The following DNER variants were observed in gnomAD, a reference collection of about 807,000 sequenced individuals.
DNER encodes delta/notch like EGF repeat containing, also known as delta and Notch-like epidermal growth factor-related receptor.
Under a neutral mutation model 78.2 loss-of-function variants are expected in DNER, and 33 were observed. That is an observed-to-expected ratio of 0.42 (90% CI 0.32 to 0.56). The LOEUF is 0.56. DNER is among the 20% of genes least tolerant of loss of function. The pLI is 0.11. For missense variants in DNER, 918 were observed against 975.3 expected, an observed-to-expected ratio of 0.94 and a Z score of 0.78; for synonymous variants, 417 against 384.8, an observed-to-expected ratio of 1.08 and a Z score of -0.98.
chr2:229,561,795 A>G (rs974239425), intron 4 of DNER, among the ~76,000 whole-genome samples: 13 of 152,104 alleles, frequency 8.5e-5, no homozygotes, highest in Non-Finnish European at 1.8e-4. Context: ...TTGCCCACTG[A>G]TATCTATTCT....
intron 1 of DNER, among the ~76,000 whole-genome samples, chr2:229,649,191 T>C (rs1698770408): frequency 2.0e-5 from 3 of 152,250 alleles, no homozygotes; most frequent in African/African-American, 4.8e-5. Flanking sequence ...TCAGGATTTA[T>C]TTCTATTGCA....
In DNER at chr2:229,372,932, G is replaced by A. The variant is rs539908265; in HGVS notation, c.1856-5813C>T. Reference sequence around the variant, plus strand: ...CCTGGTTTCCTGGCTTTTATCGTTGGATGGATGAGGTGCTGTAGCCGAGTG... The same window carrying A: ...CCTGGTTTCCTGGCTTTTATCGTTGAATGGATGAGGTGCTGTAGCCGAGTG... On this transcript the variant is annotated intron_variant, in intron 11 of 12. Transcript: ENST00000341772. Among the ~76,000 whole-genome samples, 18 of 152,262 alleles carry A rather than the reference G, an allele frequency of 1.2e-4. No homozygotes were observed. In the South Asian group the frequency reaches 3.7e-3, roughly 32 times the overall value.
At chr2:229,586,596 TCAACCC>T (rs1264033545) in intron 3 of DNER, 8 of 767,754 alleles carry the variant, frequency 1.0e-5, no homozygotes, top group Non-Finnish European at 1.2e-5. Flanking sequence ...AGAAAGCCCA[TCAACCC>T]CAACCCCAAC....
At chr2:229,545,097 A>G (rs1443653647) in intron 5 of DNER, among the ~76,000 whole-genome samples, 1 of 152,210 alleles carries the variant, frequency 6.6e-6, no homozygotes, top group Non-Finnish European at 1.5e-5. Flanking sequence ...GTCACTGAAC[A>G]TTAACTCCAA....
intron 11 of DNER, among the ~76,000 whole-genome samples, chr2:229,383,750 A>T (rs1188839309): frequency 2.0e-5 from 3 of 152,220 alleles, no homozygotes; most frequent in Admixed American, 1.3e-4. Flanking sequence ...GAGCATCCAG[A>T]TTCATAAAGC....
chr2:229,423,572 G>T (rs1367308405), intron 8 of DNER, among the ~76,000 whole-genome samples: 1 of 148,594 alleles, frequency 6.7e-6, no homozygotes, highest in African/African-American at 2.5e-5. Context: ...CCAAGATTGT[G>T]CCACTGCACT....
chr2:229,401,003 GA>G (rs1198264892), intron 10 of DNER, among the ~76,000 whole-genome samples: 1 of 152,018 alleles, frequency 6.6e-6, no homozygotes, highest in Non-Finnish European at 1.5e-5. Context: ...GATAGGATTA[GA>G]AAATGGACAA....
intron 5 of DNER, among the ~76,000 whole-genome samples, chr2:229,539,609 G>C (rs897627696): frequency 1.3e-5 from 2 of 152,142 alleles, no homozygotes; most frequent in African/African-American, 4.8e-5. Flanking sequence ...TCAAAACTCA[G>C]ACAACTGGAT....
chr2:229,470,821 G>A (rs1034237401), intron 7 of DNER, among the ~76,000 whole-genome samples: 3 of 152,182 alleles, frequency 2.0e-5, no homozygotes, highest in African/African-American at 7.2e-5. Flanking sequence ...TTGGACTCCA[G>A]CCTGGGCAAC....
intron 1 of DNER, among the ~76,000 whole-genome samples, chr2:229,705,266 A>T (rs989125742): frequency 6.6e-6 from 1 of 152,218 alleles, no homozygotes; most frequent in African/African-American, 2.4e-5. Flanking sequence ...CTTTATATTA[A>T]CTACAAGGAC....
At chr2:229,540,456 G>A (rs1252559464) in intron 5 of DNER, among the ~76,000 whole-genome samples, 1 of 152,178 alleles carries the variant, frequency 6.6e-6, no homozygotes, top group Admixed American at 6.5e-5. Context: ...CTAAAAAGGA[G>A]GCACATGGTT....
intron 1 of DNER, among the ~76,000 whole-genome samples, chr2:229,707,180 A>ATTTTTTTTT (rs397868353): frequency 2.1e-5 from 2 of 94,610 alleles, no homozygotes; most frequent in African/African-American, 8.7e-5. Context: ...CGGCTGGCTA[A>ATTTTTTTTT]TTTTTTTTTT....
rs202210704 is a variant in DNER at position 229,455,952 on chromosome 2, CA to C, written c.1262-8413del. ...GGTTTGAGATTTGAACCCAGGCAGTCAGATTCAGGTCCAAGCTCCTAACCAG... is the reference window on the plus strand; with the variant it reads ...GGTTTGAGATTTGAACCCAGGCAGTCGATTCAGGTCCAAGCTCCTAACCAG... On this transcript the variant is annotated intron_variant, in intron 7 of 12. Coordinates refer to ENST00000341772, the MANE Select transcript of DNER (RefSeq NM_139072.4). Among the ~76,000 whole-genome samples the C allele has an allele frequency of 9.4e-3, 1,431 of 152,192 alleles. 44 individuals are homozygous for C. The highest frequency in any genetic ancestry group is 0.033 in the African/African-American group (1,361 of 41,470).
chr2:229,628,658 T>G (rs750479968), intron 1 of DNER, among the ~76,000 whole-genome samples: 26 of 152,156 alleles, frequency 1.7e-4, no homozygotes, highest in Non-Finnish European at 3.2e-4. Flanking sequence ...CTAGGGCCAG[T>G]GCACTGACCA....
At chr2:229,702,899 A>C (rs1260286243) in intron 1 of DNER, among the ~76,000 whole-genome samples, 1 of 139,584 alleles carries the variant, frequency 7.2e-6, no homozygotes, top group Non-Finnish European at 1.5e-5. Context: ...CCTGGGGGAC[A>C]CAGCGAGACT....
intron 1 of DNER, among the ~76,000 whole-genome samples, chr2:229,618,756 T>C (rs905768886): frequency 2.0e-5 from 3 of 152,228 alleles, no homozygotes; most frequent in Non-Finnish European, 4.4e-5. Flanking sequence ...CAGTAACTGT[T>C]ATATAAGCTA....
intron 1 of DNER, among the ~76,000 whole-genome samples, chr2:229,665,898 C>T (rs906714619): frequency 6.6e-6 from 1 of 152,194 alleles, no homozygotes; most frequent in Non-Finnish European, 1.5e-5. Context: ...CTCCTCTGCA[C>T]TGATTTTTCA....
intron 6 of DNER, among the ~76,000 whole-genome samples, chr2:229,493,837 A>G (rs1193244695): frequency 2.0e-5 from 3 of 152,172 alleles, no homozygotes; most frequent in African/African-American, 7.2e-5. Context: ...GCAGGCCCAG[A>G]GAGTTGCATA....
chr2:229,509,592 T>C (rs1183953810), intron 6 of DNER, among the ~76,000 whole-genome samples: 4 of 152,158 alleles, frequency 2.6e-5, no homozygotes, highest in Non-Finnish European at 5.9e-5. Context: ...GATGGGTAGA[T>C]CTCCTGAGGT....
Sources: allele counts gnomAD v4.1 joint callset (sites outside exome capture counted in the v4.1 genomes callset), GRCh38; gene constraint gnomAD v4.1.1; transcripts MANE v1.5; gene names NCBI Gene and HGNC (gene_info 2026-07-23, HGNC 2026-07-21).